Variants in WWOX observed in about 807,000 individuals in gnomAD.
WWOX encodes WW domain containing oxidoreductase, also known as WW domain-containing oxidoreductase.
A neutral mutation model predicts 46.2 loss-of-function variants in WWOX; 69 were observed. The ratio of observed to expected loss-of-function variants is 1.49; its 90% CI spans 1.23 to 1.82. WWOX has a LOEUF of 1.82. Ranked by LOEUF, WWOX falls within the 40% of genes most tolerant of loss-of-function variation. The probability of loss-of-function intolerance (pLI) is 0.00; values close to 1 mark genes in which losing one functional copy is unlikely to be tolerated. For missense variants in WWOX, 919 were observed against 542.6 expected (o/e 1.69, Z -6.89); for synonymous variants, 359 against 202.6 (o/e 1.77, Z -6.56).
intron 5 of WWOX, chr16:78,264,589 T>C (rs1007980852): frequency 6.6e-6 from 1 of 152,266 alleles, no homozygotes; most frequent in African/African-American, 2.4e-5. Context: ...GAGATTCCTC[T>C]TGCAGCACTG....
chr16:78,473,002 A>G (rs2084264455), intron 8 of WWOX, among the ~76,000 whole-genome samples: 1 of 152,180 alleles, frequency 6.6e-6, no homozygotes, highest in African/African-American at 2.4e-5. Flanking sequence ...CCTGCAGGAG[A>G]ACATTTTTAA....
chr16:78,206,492 G>A (rs2036400637), intron 5 of WWOX, among the ~76,000 whole-genome samples: 1 of 152,176 alleles, frequency 6.6e-6, no homozygotes, highest in Admixed American at 6.5e-5. Context: ...GAGAAAGACT[G>A]AGAGAAGTTT....
At chr16:78,270,336 G>A (rs2079451248) in intron 5 of WWOX, 1 of 152,192 alleles carries the variant, frequency 6.6e-6, no homozygotes, top group Non-Finnish European at 1.5e-5. Context: ...GGTACAGATA[G>A]TGTCTCCCTC....
intron 8 of WWOX, among the ~76,000 whole-genome samples, chr16:78,648,291 A>C (rs1030679221): frequency 3.3e-5 from 5 of 152,144 alleles, no homozygotes; most frequent in African/African-American, 1.2e-4. Flanking sequence ...AGGCCCTCTG[A>C]GAATGCGAGG....
chr16:78,545,141 T>C (rs962127682), intron 8 of WWOX, among the ~76,000 whole-genome samples: 1 of 152,210 alleles, frequency 6.6e-6, no homozygotes, highest in Non-Finnish European at 1.5e-5. Context: ...CCCTCAGCAC[T>C]TTAGGACTGA....
At chr16:78,870,990 G>C (rs2044115671) in intron 8 of WWOX, among the ~76,000 whole-genome samples, 1 of 152,014 alleles carries the variant, frequency 6.6e-6, no homozygotes, top group South Asian at 2.1e-4. Flanking sequence ...CAATAGCCAG[G>C]GTCTCATAGA....
intron 8 of WWOX, among the ~76,000 whole-genome samples, chr16:78,482,689 A>C (rs955173331): frequency 6.6e-6 from 1 of 152,200 alleles, no homozygotes; most frequent in Admixed American, 6.5e-5. Context: ...AGAGAGTTGA[A>C]GTAATCAACT....
intron 8 of WWOX, among the ~76,000 whole-genome samples, chr16:78,550,531 C>G (rs1597251825): frequency 6.6e-6 from 1 of 152,184 alleles, no homozygotes; most frequent in South Asian, 2.1e-4. Flanking sequence ...TTTCAAAAAT[C>G]ATTTTCTTTT....
At chr16:78,960,496 A>C (rs1368290283) in intron 8 of WWOX, among the ~76,000 whole-genome samples, 1 of 152,206 alleles carries the variant, frequency 6.6e-6, no homozygotes. Context: ...TCTACTGGAG[A>C]TTACAACTGC....
chr16:79,184,071 A>G (rs1349960992), intron 8 of WWOX, among the ~76,000 whole-genome samples: 2 of 152,212 alleles, frequency 1.3e-5, no homozygotes, highest in Non-Finnish European at 2.9e-5. Context: ...GAACATTGTC[A>G]AAAGGACTCA....
intron 6 of WWOX, among the ~76,000 whole-genome samples, chr16:78,397,812 A>G (rs758151762): frequency 5.9e-5 from 9 of 152,188 alleles, no homozygotes; most frequent in African/African-American, 1.9e-4. Flanking sequence ...GGCGTGAGCC[A>G]CCGCTCCTGG....
At chr16:78,164,721 G>T (rs1386271883) in intron 5 of WWOX, among the ~76,000 whole-genome samples, 1 of 152,158 alleles carries the variant, frequency 6.6e-6, no homozygotes, top group Admixed American at 6.5e-5. Flanking sequence ...TATTTACTAA[G>T]GGCTTGCCTT....
chr16:78,497,871 A>AG (rs2084955512), intron 8 of WWOX, among the ~76,000 whole-genome samples: 1 of 152,044 alleles, frequency 6.6e-6, no homozygotes, highest in Admixed American at 6.6e-5. Flanking sequence ...AAAAAATTAA[A>AG]AAAGCCCACA....
chr16:78,987,162 C>CGG (rs2046799440), intron 8 of WWOX, among the ~76,000 whole-genome samples: 1 of 152,146 alleles, frequency 6.6e-6, no homozygotes, highest in South Asian at 2.1e-4. Flanking sequence ...CAGAAGCACA[C>CGG]GGGAGGTCTT....
chr16:79,127,720 A>G (rs555323684), intron 8 of WWOX, among the ~76,000 whole-genome samples: 1 of 152,270 alleles, frequency 6.6e-6, no homozygotes, highest in African/African-American at 2.4e-5. Context: ...TCTGATTTAC[A>G]TTCCCACTAA....
Position 78,827,686 on chromosome 16 carries a change from A to T in WWOX, c.1057-383922A>T, listed in dbSNP as rs533913978. Reference sequence around the variant, plus strand: ...CATCTCTACTAAAAATAAAAAAAAAAAAAAATTAGCCAGGCATGGTGGTGC... The same window carrying T: ...CATCTCTACTAAAAATAAAAAAAAATAAAAATTAGCCAGGCATGGTGGTGC... On this transcript the variant is annotated intron_variant, in intron 8 of 8. Coordinates refer to ENST00000566780, the MANE Select transcript of WWOX (RefSeq NM_016373.4). 1.8e-4 allele frequency among the ~76,000 whole-genome samples: 27 copies of T among 151,856 alleles called. 1 individual carries two copies. The highest frequency in any genetic ancestry group is 1.8e-3 in the East Asian group (9 of 5,140).
intron 8 of WWOX, among the ~76,000 whole-genome samples, chr16:78,587,233 T>TC (rs1190050153): frequency 2.1e-5 from 3 of 139,728 alleles, no homozygotes; most frequent in African/African-American, 8.1e-5. Flanking sequence ...ACAGAGTCTC[T>TC]CTATGTTGCC....
intron 8 of WWOX, among the ~76,000 whole-genome samples, chr16:78,470,271 C>T (rs943571639): frequency 6.6e-6 from 1 of 152,178 alleles, no homozygotes; most frequent in Non-Finnish European, 1.5e-5. Flanking sequence ...AATCTTTGAA[C>T]TCCAGGAGGC....
chr16:78,890,748 C>A (rs953843550), intron 8 of WWOX: 1 of 152,208 alleles, frequency 6.6e-6, no homozygotes, highest in Non-Finnish European at 1.5e-5. Flanking sequence ...CATTCACTTT[C>A]TGTTTTTTAT....
Sources: gnomAD v4.1 joint callset for allele counts (sites outside exome capture counted in the v4.1 genomes callset) on GRCh38, gnomAD v4.1.1 for gene constraint, MANE v1.5 for transcripts, NCBI Gene and HGNC (gene_info 2026-07-23, HGNC 2026-07-21) for gene names.